ZFHX3: variants seen among roughly 807,000 people sequenced by gnomAD.
ZFHX3 encodes zinc finger homeobox protein 3.
Under a neutral mutation model 279.1 loss-of-function variants are expected in ZFHX3, and 42 were observed. That is an observed-to-expected ratio of 0.15 (90% CI 0.12 to 0.19). ZFHX3 has a LOEUF of 0.19. ZFHX3 is among the 10% of genes least tolerant of loss of function. ZFHX3 has a pLI of 1.00. For synonymous variants in ZFHX3, 2,293 were observed against 1,957.8 expected (o/e 1.17, Z -4.52); for missense variants, 4,981 against 4,754.0 (o/e 1.05, Z -1.40).
At chr16:73,214,843 CTTTTTTTTTTT>C (rs386385051) in intron 5 of ZFHX3, among the ~76,000 whole-genome samples, 10 of 79,250 alleles carry the variant, frequency 1.3e-4, no homozygotes, top group South Asian at 5.8e-4. Flanking sequence ...TGCTGAAGGC[CTTTTTTTTTTT>C]TTTTTTTTTT....
At chr16:73,401,931 A>C (rs2143433821) in intron 3 of ZFHX3, 1 of 152,272 alleles carries the variant, frequency 6.6e-6, no homozygotes, top group South Asian at 2.1e-4. Flanking sequence ...ACCTCCTCCA[A>C]AAAATAACTG....
intron 1 of ZFHX3, among the ~76,000 whole-genome samples, chr16:72,993,918 T>G (rs912011987): frequency 2.0e-5 from 3 of 152,152 alleles, no homozygotes; most frequent in Admixed American, 6.6e-5. Flanking sequence ...AATCCAGTTA[T>G]AAAAACCAGG....
chr16:73,408,971 T>C (rs2017416385), intron 3 of ZFHX3, among the ~76,000 whole-genome samples: 1 of 152,158 alleles, frequency 6.6e-6, no homozygotes, highest in African/African-American at 2.4e-5. Context: ...CCCCATTCAT[T>C]TCAGGATGGC....
chr16:73,401,282 C>G (rs894543851), intron 3 of ZFHX3: 1 of 151,902 alleles, frequency 6.6e-6, no homozygotes, highest in South Asian at 2.1e-4. Flanking sequence ...ATTTTTAATG[C>G]CCAGTGTTCC....
chr16:73,305,401 C>T (rs1460113060), intron 4 of ZFHX3, among the ~76,000 whole-genome samples: 2 of 152,092 alleles, frequency 1.3e-5, no homozygotes. Context: ...ACCGGGCAAT[C>T]AGTCCATGCA....
intron 3 of ZFHX3, among the ~76,000 whole-genome samples, chr16:73,417,919 G>A (rs1171206871): frequency 1.3e-5 from 2 of 150,526 alleles, no homozygotes; most frequent in Non-Finnish European, 1.5e-5. Context: ...AACCCAGGAG[G>A]CGGAGCTTGC....
At chr16:73,357,453 T>C (rs1323730702) in intron 3 of ZFHX3, among the ~76,000 whole-genome samples, 2 of 150,888 alleles carry the variant, frequency 1.3e-5, no homozygotes, top group African/African-American at 4.9e-5. Context: ...CTAAGAAGAG[T>C]ACAGGGAAGG....
chr16:73,594,217 ATTGAG>A (rs779504011), intron 2 of ZFHX3, among the ~76,000 whole-genome samples: 44 of 152,238 alleles, frequency 2.9e-4, no homozygotes, highest in Non-Finnish European at 4.3e-4. Flanking sequence ...TTATAATTAA[ATTGAG>A]TTATCAAATT....
At chr16:73,576,133 T>C (rs1285487245) in intron 2 of ZFHX3, among the ~76,000 whole-genome samples, 1 of 152,174 alleles carries the variant, frequency 6.6e-6, no homozygotes, top group African/African-American at 2.4e-5. Flanking sequence ...AGAAAACACT[T>C]CATGGCACTA....
At position 72,811,790 on chromosome 16, in the gene ZFHX3, C is replaced by A; in HGVS notation, c.3664-13G>T. ...GACACTGGTACATCTGTGGGGAACA[C>A]ACCCACTGCTTTGAGCAACTGTGTG... On this transcript the variant is annotated splice_polypyrimidine_tract_variant and intron_variant, in intron 6 of 9. Coordinates refer to ENST00000268489, the MANE Select transcript of ZFHX3 (RefSeq NM_006885.4). 1 of 1,610,308 alleles carries A rather than the reference C, an allele frequency of 6.2e-7. No individual in the cohort carries two copies. Among genetic ancestry groups the A allele is most frequent in the Non-Finnish European group, 8.5e-7 (1 of 1,177,450 alleles).
rs367626311 is a variant in ZFHX3 at position 73,568,254 on chromosome 16, G to A, written c.-1547+111926C>T. Among the ~76,000 whole-genome samples the A allele has an allele frequency of 1.2e-4, 19 of 152,294 alleles. No individual in the cohort carries two copies. In the East Asian group the frequency reaches 1.9e-3, roughly 15 times the overall value. The stretch of plus-strand genomic sequence containing the variant: ...AAACACAAGTGAGAAAACCCAAAGC[G>A]TGGGTCTTTTTCCTCTGATATTCTT... On this transcript the variant is annotated intron_variant, in intron 2 of 17. Coordinates refer to the ZFHX3 transcript ENST00000641206.
chr16:73,602,006 C>G (rs1405561990), intron 2 of ZFHX3, among the ~76,000 whole-genome samples: 2 of 152,122 alleles, frequency 1.3e-5, no homozygotes, highest in African/African-American at 4.8e-5. Context: ...GTGGCATATG[C>G]CTGTAGTCCC....
chr16:73,713,456 G>A (rs1021932641), intron 1 of ZFHX3, among the ~76,000 whole-genome samples: 28 of 152,078 alleles, frequency 1.8e-4, no homozygotes, highest in Non-Finnish European at 4.4e-5. Flanking sequence ...TATTCTTGGC[G>A]AGTTTCCTAG....
At chr16:73,451,310 G>A (rs2018278684) in intron 3 of ZFHX3, among the ~76,000 whole-genome samples, 1 of 152,164 alleles carries the variant, frequency 6.6e-6, no homozygotes, top group African/African-American at 2.4e-5. Flanking sequence ...ACAATGAAGG[G>A]CAACTAAGAA....
chr16:72,788,912 C>T (rs1009795803), intron 9 of ZFHX3, 64 bp from the exon 10 acceptor site: 22 of 1,499,340 alleles, frequency 1.5e-5, no homozygotes, highest in East Asian at 6.9e-5. Flanking sequence ...AAGCTCAAGA[C>T]GTTTTACCGG....
At chr16:73,218,688 G>T (rs554137607) in intron 5 of ZFHX3, among the ~76,000 whole-genome samples, 4 of 152,186 alleles carry the variant, frequency 2.6e-5, no homozygotes, top group Non-Finnish European at 5.9e-5. Context: ...AGAATTGCTT[G>T]AACCCGGGAG....
At chr16:73,211,676 T>A (rs1053421553) in intron 5 of ZFHX3, among the ~76,000 whole-genome samples, 2 of 152,264 alleles carry the variant, frequency 1.3e-5, no homozygotes, top group Admixed American at 6.5e-5. Context: ...CTATGTTTTT[T>A]TTTTTTTAAC....
intron 2 of ZFHX3, among the ~76,000 whole-genome samples, chr16:73,466,548 G>T (rs1949670910): frequency 1.3e-5 from 2 of 152,136 alleles, no homozygotes; most frequent in South Asian, 4.2e-4. Flanking sequence ...AGGCAAGCTT[G>T]ATTTAGTTAC....
chr16:73,549,792 C>CT (rs921580751), intron 2 of ZFHX3, among the ~76,000 whole-genome samples: 1 of 151,790 alleles, frequency 6.6e-6, no homozygotes, highest in Non-Finnish European at 1.5e-5. Flanking sequence ...CAACTCCTGG[C>CT]TTTTTTTTCT....
Sources: gnomAD v4.1 joint callset for allele counts (sites outside exome capture counted in the v4.1 genomes callset) on GRCh38, gnomAD v4.1.1 for gene constraint, MANE v1.5 for transcripts, NCBI Gene and HGNC (gene_info 2026-07-23, HGNC 2026-07-21) for gene names.